Variants in SAMD14 observed in about 807,000 individuals in gnomAD.
SAMD14 encodes the protein sterile alpha motif domain-containing protein 14.
A neutral mutation model predicts 46.2 loss-of-function variants in SAMD14; 27 were observed. The ratio of observed to expected loss-of-function variants is 0.58; its 90% CI spans 0.43 to 0.81. The LOEUF (loss-of-function observed/expected upper bound fraction) is 0.81. Among genes scored for constraint, SAMD14 ranks in the 30% least tolerant of loss-of-function variants. The pLI, the probability that SAMD14 is intolerant of heterozygous loss-of-function variation, is 0.00. For missense variants in SAMD14, 559 were observed against 582.2 expected (o/e 0.96, Z 0.41); for synonymous variants, 241 against 254.3 (o/e 0.95, Z 0.50).
chr17:50,119,032 G>T (rs9915064), intron 2 of SAMD14, among the ~76,000 whole-genome samples: 42 of 152,284 alleles, frequency 2.8e-4, no homozygotes, highest in African/African-American at 9.9e-4. Flanking sequence ...TGTGCCACGC[G>T]CAGGGTCTCA....
intron 1 of SAMD14, chr17:50,125,276 A>G: frequency 2.8e-6 from 1 of 354,450 alleles, no homozygotes; most frequent in Non-Finnish European, 5.3e-6. Flanking sequence ...CACGTGGGTC[A>G]CTGAACTTCT....
At chr17:50,123,368 G>C (rs544960710) in intron 2 of SAMD14, among the ~76,000 whole-genome samples, 5 of 152,306 alleles carry the variant, frequency 3.3e-5, no homozygotes, top group African/African-American at 1.2e-4. Context: ...GACACCTTTG[G>C]CCAAGGGGAC....
chr17:50,119,430 C>T (rs1911397274), intron 2 of SAMD14, among the ~76,000 whole-genome samples: 1 of 152,170 alleles, frequency 6.6e-6, no homozygotes, highest in South Asian at 2.1e-4. Flanking sequence ...TATTCTGTCA[C>T]TCATGCCCAC....
In SAMD14 at chr17:50,117,524, C is replaced by T; in HGVS notation, c.382G>A (p.Ala128Thr). 2 of 1,520,022 alleles carry T rather than the reference C, an allele frequency of 1.3e-6. No homozygotes were observed. Among genetic ancestry groups the T allele is most frequent in the Non-Finnish European group, 1.7e-6 (2 of 1,144,596 alleles). 94.2% of individuals were successfully genotyped at this position (1,520,022 alleles called of 1,614,324 possible). A position where few individuals can be genotyped will look rare whatever the true frequency, so the allele number is the denominator to read the frequency against. Residue 128 changes from alanine (A) to threonine (T), a missense_variant, in exon 4 of 10, where the codon GCT becomes ACT. Coordinates refer to ENST00000330175, the MANE Select transcript of SAMD14 (RefSeq NM_001257359.2). The part of the protein sequence containing the change: ...PLTRYRPLHN[A>T]ASHEGLAAAS... The stretch of plus-strand genomic sequence containing the variant: ...GCGGCCAGGCCCTCGTGCGACGCAG[C>T]GTTGTGCAGGGGCCGGTAGCGTGTG...
chr17:50,127,609 AAAAC>A (rs1303629306), intron 1 of SAMD14, among the ~76,000 whole-genome samples: 1 of 151,980 alleles, frequency 6.6e-6, no homozygotes, highest in Non-Finnish European at 1.5e-5. Flanking sequence ...CTCAAAAAAA[AAAAC>A]AAAAAACAAA....
chr17:50,113,458 A>G, intron 9 of SAMD14: 1 of 256,428 alleles, frequency 3.9e-6, no homozygotes, highest in Non-Finnish European at 7.6e-6. Flanking sequence ...CAAGCAACTC[A>G]GCAGAGAGCA....
intron 2 of SAMD14, among the ~76,000 whole-genome samples, chr17:50,122,221 G>A (rs8078588): frequency 0.15 from 23,287 of 152,178 alleles, 1,870 homozygotes; most frequent in Middle Eastern, 0.34. Flanking sequence ...TCGGGATATG[G>A]TCGCCAATGA....
chr17:50,110,655 CG>C lies in SAMD14; in HGVS notation c.*2237del, dbSNP rs1259282434. 6.6e-6 allele frequency: 1 copy of C among 152,122 alleles called. No homozygotes were observed. Among genetic ancestry groups the C allele is most frequent in the East Asian group, 1.9e-4 (1 of 5,172 alleles). 9.4% of individuals were successfully genotyped at this position (152,122 alleles called of 1,614,324 possible). On this transcript the variant is annotated 3_prime_UTR_variant, in exon 10 of 10. Transcript: ENST00000330175. ...CCGCTCAGGGCTTGAAGGTCGGTGG[CG>C]GAGGGGGTGGCTCTCACAGGGCCCA...
In SAMD14 at chr17:50,120,479, T is replaced by C. The variant is rs78068508; in HGVS notation, c.44-2152A>G. On this transcript the variant is annotated intron_variant, in intron 2 of 9. Transcript: ENST00000330175. ...AGCCTCCTAGCTGGTCTTCCTTCCG[T>C]CTCCCTTTCCCATCTAGTCTATTTT... is the stretch of plus-strand genomic sequence containing the variant. Among the ~76,000 whole-genome samples the C allele has an allele frequency of 4.2e-3, 634 of 152,160 alleles. 6 individuals are homozygous for C. The highest frequency in any genetic ancestry group is 0.014 in the African/African-American group (591 of 41,500).
At chr17:50,124,495 G>T (rs1280266233) in intron 2 of SAMD14, among the ~76,000 whole-genome samples, 1 of 152,064 alleles carries the variant, frequency 6.6e-6, no homozygotes. Context: ...GGCAGTTTGG[G>T]GTTCTAGTCC....
At chr17:50,128,021 T>A (rs1911856965) in intron 1 of SAMD14, among the ~76,000 whole-genome samples, 1 of 152,174 alleles carries the variant, frequency 6.6e-6, no homozygotes, top group African/African-American at 2.4e-5. Flanking sequence ...ACCAATCAGA[T>A]GGGAGCCCAG....
At chr17:50,117,771 A>G (rs1489098734) in intron 3 of SAMD14, 76 bp from the exon 4 acceptor site, 2 of 1,340,638 alleles carry the variant, frequency 1.5e-6, no homozygotes, top group Non-Finnish European at 1.9e-6. Flanking sequence ...TTCACCCTGT[A>G]AACTGCGGGC....
chr17:50,112,906 G>T lies in SAMD14; in HGVS notation c.1241C>A (p.Ala414Asp). The change falls in exon 10 of 10, where the codon GCC (alanine) becomes GAC (aspartate). Residue 414 changes from alanine to aspartate, a missense_variant. Transcript: ENST00000330175. ...REKLRRREQE[A>D]KKS ...GTGCACCCTCCCCTAGCTCTTCTTG[G>T]CCTCCTGCTCTCGGCGCCGGAGCTT... is the stretch of plus-strand genomic sequence containing the variant. 6.2e-7 allele frequency: 1 copy of T among 1,605,562 alleles called. No individual in the cohort carries two copies.
At chr17:50,128,536 A>G (rs890700040) in intron 1 of SAMD14, among the ~76,000 whole-genome samples, 1 of 151,936 alleles carries the variant, frequency 6.6e-6, no homozygotes, top group East Asian at 1.9e-4. Context: ...AGGTAACTGC[A>G]CAAGGGTGGG....
chr17:50,112,835 C>T lies in SAMD14; in HGVS notation c.*58G>A. Reference sequence around the variant, plus strand: ...CCAGGTCCAGCCTCCCTGGTGAGGCCTGTGCCCGCGGAGCCAGTGGCTGCC... The same window carrying T: ...CCAGGTCCAGCCTCCCTGGTGAGGCTTGTGCCCGCGGAGCCAGTGGCTGCC... On this transcript the variant is annotated 3_prime_UTR_variant, in exon 10 of 10. Coordinates refer to ENST00000330175, the MANE Select transcript of SAMD14 (RefSeq NM_001257359.2). 5.1e-6 allele frequency: 8 copies of T among 1,562,808 alleles called. No homozygotes were observed. Among genetic ancestry groups the T allele is most frequent in the African/African-American group, 1.4e-5 (1 of 73,660 alleles).
At chr17:50,116,502 T>C (rs540958390) in intron 4 of SAMD14, among the ~76,000 whole-genome samples, 2 of 148,224 alleles carry the variant, frequency 1.3e-5, no homozygotes, top group African/African-American at 5.0e-5. Flanking sequence ...ACCTCCCGGG[T>C]TCAAGCAATT....
intron 2 of SAMD14, among the ~76,000 whole-genome samples, chr17:50,121,402 C>T (rs1258798630): frequency 6.6e-6 from 1 of 151,996 alleles, no homozygotes; most frequent in Non-Finnish European, 1.5e-5. Flanking sequence ...ACTGCAACCT[C>T]CACCTCCCAG....
chr17:50,115,806 T>A lies in SAMD14; in HGVS notation c.662+24A>T. ...GGGAGCCAGGGGCGGGAGCTGTGGG[T>A]GGGCCGCCATGGGCACCTCTCACCT... On this transcript the variant is annotated intron_variant, in intron 6 of 9. Transcript: ENST00000330175. The surrounding 1 kb of genome is among the most constrained non-coding windows in gnomAD (Gnocchi z 5.3). 1.2e-6 allele frequency: 2 copies of A among 1,612,150 alleles called. No individual in the cohort carries two copies. Among genetic ancestry groups the A allele is most frequent in the African/African-American group, 2.7e-5 (2 of 74,996 alleles).
At position 50,114,263 on chromosome 17, in the gene SAMD14, G is replaced by A; in HGVS notation, c.866C>T (p.Pro289Leu). 1 of 1,614,054 alleles carries A rather than the reference G, an allele frequency of 6.2e-7. No homozygotes were observed. The highest frequency in any genetic ancestry group is 8.5e-7 in the Non-Finnish European group (1 of 1,180,010). Residue 289 changes from proline to leucine, a missense_variant, in exon 8 of 10, where the codon CCC becomes CTC. Pro to Leu is a moderately conservative substitution (Grantham distance 98). Coordinates refer to ENST00000330175, the MANE Select transcript of SAMD14 (RefSeq NM_001257359.2). Reference protein sequence around the residue: ...SDDSTPPSSSPKIPSGPWQEA... With the variant: ...SDDSTPPSSSLKIPSGPWQEA... ...CTGCCAGGGCCCACTGGGGATCTTG[G>A]GGCTGCTGCTGGGGGGCGTGGAGTC... is the stretch of plus-strand genomic sequence containing the variant.
Sources: gnomAD v4.1 joint callset for allele counts (sites outside exome capture counted in the v4.1 genomes callset) on GRCh38, gnomAD v4.1.1 for gene constraint, Gnocchi (gnomAD v3.1) non-coding constraint, MANE v1.5 for transcripts, NCBI Gene and HGNC (gene_info 2026-07-23, HGNC 2026-07-21) for gene names.